RASA4B: variants seen among roughly 807,000 people sequenced by gnomAD.
The protein encoded by RASA4B is RAS p21 protein activator 4B, also known as ras GTPase-activating protein 4B.
Under a neutral mutation model 24.2 loss-of-function variants are expected in RASA4B, and 2 were observed. The ratio of observed to expected loss-of-function variants is 0.08; its 90% CI spans 0.03 to 0.26. The LOEUF (loss-of-function observed/expected upper bound fraction) is 0.26. Among genes scored for constraint, RASA4B ranks in the 10% least tolerant of loss-of-function variants. The probability of loss-of-function intolerance (pLI) is 1.00; values close to 1 mark genes in which losing one functional copy is unlikely to be tolerated. For missense variants in RASA4B, 8 were observed against 277.2 expected (o/e 0.03, Z 6.90); for synonymous variants, 2 against 125.6 (o/e 0.02, Z 6.58).
At chr7:102,500,069 A>C (rs1198710379) in intron 8 of RASA4B, among the ~76,000 whole-genome samples, 2 of 5,844 alleles carry the variant, frequency 3.4e-4, no homozygotes, top group Non-Finnish European at 1.0e-3. Context: ...TGGAGGTTGC[A>C]GTGAGCCAAG....
At chr7:102,495,559 GTGAA>G (rs1469933865) in intron 11 of RASA4B, among the ~76,000 whole-genome samples, 169 bp from the exon 12 acceptor site, 1 of 1,378 alleles carries the variant, frequency 7.3e-4, no homozygotes, top group East Asian at 0.031. Context: ...GAATGAGTGA[GTGAA>G]TGAATGACTA....
intron 4 of RASA4B, among the ~76,000 whole-genome samples, 193 bp from the exon 5 acceptor site, chr7:102,507,017 G>A (rs1260967300): frequency 6.9e-5 from 1 of 14,452 alleles, no homozygotes; most frequent in African/African-American, 7.8e-5. Flanking sequence ...GGAAGAGCTG[G>A]GATTAGAATC....
Position 102,493,842 on chromosome 7 carries a change from T to C in RASA4B, c.1643A>G (p.Asp548Gly). 3 of 341,194 alleles carry C rather than the reference T, an allele frequency of 8.8e-6. 1 individual carries two copies. The South Asian group carries it at 9.0e-5, about 10-fold the overall frequency. The allele number at this position is 341,194 out of a possible 1,614,324, so 21.1% of individuals were successfully genotyped here. The change falls in exon 15 of 21, where the codon GAC becomes GGC. Residue 548 changes from aspartate (D) to glycine (G), a missense_variant. Coordinates refer to ENST00000465829, the MANE Select transcript of RASA4B (RefSeq NM_001367767.2). Reference sequence around the variant, plus strand: ...GCGCTCACCGTCCTTCTCCTCGATGTCCACGAGCTTGGTGATGAAGTCCTT... The same window carrying C: ...GCGCTCACCGTCCTTCTCCTCGATGCCCACGAGCTTGGTGATGAAGTCCTT... ...QLKDFITKLV[D>G]IEEKDELDLQ...
chr7:102,484,673 T>C (rs1798646160), intron 19 of RASA4B, among the ~76,000 whole-genome samples: 1 of 136,816 alleles, frequency 7.3e-6, no homozygotes, highest in Non-Finnish European at 1.6e-5. Context: ...GCATCCTGTT[T>C]TTTAAAGCTG....
rs377762317 is a variant in RASA4B at position 102,480,209 on chromosome 7, T to G, written c.*3383A>C. Among the ~76,000 whole-genome samples the G allele has an allele frequency of 5.2e-3, 784 of 152,108 alleles. 4 individuals carry two copies. Among genetic ancestry groups the G allele is most frequent in the South Asian group, 9.1e-3 (44 of 4,826 alleles). ...GTTGCCAAGCCCACCGTGGTCTAGC[T>G]GTAGCGTTAGTGTCAAGGAAAAACA... On this transcript the variant is annotated 3_prime_UTR_variant, in exon 21 of 21. Coordinates refer to ENST00000465829, the MANE Select transcript of RASA4B (RefSeq NM_001367767.2).
At position 102,481,890 on chromosome 7, in the gene RASA4B, C is replaced by G. The variant is rs1798615449; in HGVS notation, c.*1702G>C. On this transcript the variant is annotated 3_prime_UTR_variant, in exon 21 of 21. Transcript: ENST00000465829. ...GAATGAAGGAATGAATGGATGCAGG[C>G]AGACGTGAAAACAGCGCCCACCTGG... 1.5e-5 allele frequency among the ~76,000 whole-genome samples: 1 copy of G among 68,840 alleles called. No homozygotes were observed. Among genetic ancestry groups the G allele is most frequent in the Non-Finnish European group, 3.6e-5 (1 of 27,672 alleles). The allele number at this position is 68,840 out of a possible 152,430, so 45.2% of individuals were successfully genotyped here.
At chr7:102,497,060 T>A (rs1317846511) in intron 8 of RASA4B, 96 bp from the exon 9 acceptor site, 1 of 1,479,054 alleles carries the variant, frequency 6.8e-7, no homozygotes, top group Non-Finnish European at 9.3e-7. Context: ...TGGGGCCGGC[T>A]TCCCATCTCT....
At chr7:102,502,446 A>T (rs1185829771) in intron 6 of RASA4B, among the ~76,000 whole-genome samples, 4 of 67,802 alleles carry the variant, frequency 5.9e-5, no homozygotes, top group African/African-American at 1.4e-4. Flanking sequence ...TAAAATATTT[A>T]AAAACAGAGC....
At chr7:102,489,730 C>G (rs1333792120) in intron 17 of RASA4B, among the ~76,000 whole-genome samples, 4 of 147,600 alleles carry the variant, frequency 2.7e-5, no homozygotes, top group African/African-American at 9.8e-5. Context: ...TCTTCCCTCC[C>G]TTGCTCCCTT....
At position 102,481,810 on chromosome 7, in the gene RASA4B, C is replaced by A. The variant is rs1798613954; in HGVS notation, c.*1782G>T. Among the ~76,000 whole-genome samples, 3 of 151,414 alleles carry A rather than the reference C, an allele frequency of 2.0e-5. No homozygotes were observed. Among genetic ancestry groups the A allele is most frequent in the Admixed American group, 6.6e-5 (1 of 15,124 alleles). ...GGGGGTCCCAGTTTCGTGATCTCTT[C>A]TTCCCTTTCCTTCCTGGTAGCTTAA... On this transcript the variant is annotated 3_prime_UTR_variant, in exon 21 of 21. Transcript: ENST00000465829.
rs1476750950 is a variant in RASA4B, at chr7:102,480,075, C to A, written c.*3517G>T. ...CATACAGAGATAGGAGCTGAGGGGA[C>A]AATGAGGAGTGACCAGAAGACAAGA... On this transcript the variant is annotated 3_prime_UTR_variant, in exon 21 of 21. Coordinates refer to ENST00000465829, the MANE Select transcript of RASA4B (RefSeq NM_001367767.2). Among the ~76,000 whole-genome samples the A allele has an allele frequency of 6.6e-6, 1 of 152,026 alleles. No homozygotes were observed. The highest frequency in any genetic ancestry group is 2.4e-5 in the African/African-American group (1 of 41,432).
chr7:102,484,942 ATGT>A, intron 19 of RASA4B, 94 bp downstream of exon 19: 1 of 318,616 alleles, frequency 3.1e-6, no homozygotes, highest in Non-Finnish European at 6.1e-6. Context: ...CCCTCCCCAG[ATGT>A]GGCCAATTAC....
intron 4 of RASA4B, among the ~76,000 whole-genome samples, chr7:102,509,106 C>CT (rs1172102959): frequency 4.8e-4 from 43 of 89,298 alleles, no homozygotes; most frequent in African/African-American, 1.5e-3. Context: ...CGTGCCCGGC[C>CT]TTTTTTTTAA....
chr7:102,506,338 C>T (rs1799506326), intron 5 of RASA4B, among the ~76,000 whole-genome samples: 2 of 152,216 alleles, frequency 1.3e-5, no homozygotes, highest in Admixed American at 1.3e-4. Flanking sequence ...GCAACCTCTG[C>T]CTCCTGGGTT....
intron 16 of RASA4B, among the ~76,000 whole-genome samples, chr7:102,492,643 G>A (rs1231925513): frequency 6.9e-6 from 1 of 144,164 alleles, no homozygotes; most frequent in Non-Finnish European, 1.6e-5. Context: ...ACCTGGTAAG[G>A]TCGGATCAAC....
At chr7:102,491,483 C>A (rs1798941783) in intron 16 of RASA4B, among the ~76,000 whole-genome samples, 1 of 51,160 alleles carries the variant, frequency 2.0e-5, no homozygotes, top group African/African-American at 3.1e-5. Context: ...ATAGTCATAT[C>A]CTGACCGGGC....
intron 8 of RASA4B, among the ~76,000 whole-genome samples, chr7:102,498,256 CTTT>C (rs1799233131): frequency 6.7e-6 from 1 of 149,742 alleles, no homozygotes; most frequent in South Asian, 2.1e-4. Context: ...CATTCTTCTT[CTTT>C]ATTTATTTTT....
intron 1 of RASA4B, among the ~76,000 whole-genome samples, chr7:102,513,453 AAC>A (rs1233312735): frequency 3.1e-5 from 3 of 96,690 alleles, no homozygotes; most frequent in Non-Finnish European, 2.3e-5. Context: ...GGGGAAGGCA[AAC>A]ACGCGCTCAG....
intron 4 of RASA4B, 63 bp from the exon 5 acceptor site, chr7:102,506,887 AC>A: frequency 3.1e-6 from 1 of 320,450 alleles, no homozygotes; most frequent in Non-Finnish European, 4.3e-6. Context: ...CCTCAGCCCC[AC>A]CAGGCACCTT....
Sources: gnomAD v4.1 joint callset for allele counts (sites outside exome capture counted in the v4.1 genomes callset) on GRCh38, gnomAD v4.1.1 for gene constraint, MANE v1.5 for transcripts, NCBI Gene and HGNC (gene_info 2026-07-23, HGNC 2026-07-21) for gene names.